The following C2CD3 variants were observed in gnomAD, a reference collection of about 807,000 sequenced individuals.
C2CD3 encodes the protein C2 domain-containing protein 3.
C2CD3 carries 148 observed loss-of-function variants against 234.0 expected under a neutral mutation model. That is an observed-to-expected ratio of 0.63 (90% CI 0.55 to 0.72). The LOEUF (loss-of-function observed/expected upper bound fraction) is 0.72. Among genes scored for constraint, C2CD3 ranks in the 30% least tolerant of loss-of-function variants. The pLI, the probability that C2CD3 is intolerant of heterozygous loss-of-function variation, is 0.00. For missense variants in C2CD3, 2,577 were observed against 2,811.5 expected, an observed-to-expected ratio of 0.92 and a Z score of 1.89; for synonymous variants, 1,000 against 1,035.4, an observed-to-expected ratio of 0.97 and a Z score of 0.66.
chr11:74,124,876 ACT>A (rs1168217823), intron 7 of C2CD3, among the ~76,000 whole-genome samples: 3 of 151,854 alleles, frequency 2.0e-5, no homozygotes, highest in Non-Finnish European at 4.4e-5. Context: ...TCCACTTTTT[ACT>A]CTTTTTTGAA....
At chr11:74,117,048 GTATATATATATGAATATATATATA>G (rs1956999966) in intron 9 of C2CD3, among the ~76,000 whole-genome samples, 1 of 49,018 alleles carries the variant, frequency 2.0e-5, no homozygotes, top group Non-Finnish European at 4.4e-5. Context: ...ACGTGTGTGT[GTATATATATATGAATATATATATA>G]TGAATATATA....
At chr11:74,140,544 G>C (rs1007083872) in intron 3 of C2CD3, among the ~76,000 whole-genome samples, 3 of 152,082 alleles carry the variant, frequency 2.0e-5, no homozygotes, top group Non-Finnish European at 2.9e-5. Flanking sequence ...ACCCTAATTC[G>C]AAGATTCTTT....
intron 27 of C2CD3, 53 bp downstream of exon 27, chr11:74,049,284 C>CT (rs1953553754): frequency 3.4e-6 from 5 of 1,455,222 alleles, no homozygotes; most frequent in Non-Finnish European, 4.8e-6. Flanking sequence ...AAAGGATGTT[C>CT]TTATAGGTCA....
intron 2 of C2CD3, among the ~76,000 whole-genome samples, chr11:74,165,105 T>C (rs1856719196): frequency 6.6e-6 from 1 of 152,130 alleles, no homozygotes; most frequent in South Asian, 2.1e-4. Flanking sequence ...TACGAAGAAA[T>C]AAATAAAATG....
chr11:74,052,082 A>T (rs1486212537), intron 26 of C2CD3, among the ~76,000 whole-genome samples: 1 of 152,220 alleles, frequency 6.6e-6, no homozygotes, highest in Non-Finnish European at 1.5e-5. Context: ...CAATAATGGA[A>T]CACCAGGCAT....
rs1266379604 is a variant in C2CD3 at position 74,098,023 on chromosome 11, C to T, written c.2965G>A (p.Ala989Thr). The change falls in exon 16 of 33, where the codon GCA becomes ACA. Residue 989 changes from alanine to threonine, a missense_variant. Coordinates refer to ENST00000334126, the MANE Select transcript of C2CD3 (RefSeq NM_001286577.2). ...GCGTTTATTACCATAGCAACAGATG[C>T]TGCAGTTGGCTGGTCCAGGAAATGG... is the stretch of plus-strand genomic sequence containing the variant. ...PAHFLDQPTA[A>T]SVAMAEDRGN... 4 of 1,613,974 alleles carry T rather than the reference C, an allele frequency of 2.5e-6. No individual in the cohort carries two copies. The highest frequency in any genetic ancestry group is 3.4e-6 in the Non-Finnish European group (4 of 1,179,956).
chr11:74,044,697 G>T (rs1192469421), intron 28 of C2CD3, among the ~76,000 whole-genome samples: 1 of 151,992 alleles, frequency 6.6e-6, no homozygotes, highest in African/African-American at 2.4e-5. Flanking sequence ...TTCAACTTTT[G>T]TCCTCCTCCC....
intron 7 of C2CD3, among the ~76,000 whole-genome samples, chr11:74,130,223 C>T (rs1957614363): frequency 2.0e-5 from 3 of 147,718 alleles, no homozygotes; most frequent in Admixed American, 1.3e-4. Flanking sequence ...GATAAGGGTC[C>T]AACTTTTTTT....
rs555550488 is a variant in C2CD3, at chr11:74,130,423, G to C, written c.1217+2421C>G. Among the ~76,000 whole-genome samples, 4 of 148,930 alleles carry C rather than the reference G, an allele frequency of 2.7e-5. No homozygotes were observed. The South Asian group carries it at 8.3e-4, about 31-fold the overall frequency. ...TTTATTTTTATTTTTTGTAGAGATGGGGGTTTCACTATGTAGTCCAGGCTG... is the reference window on the plus strand; with the variant it reads ...TTTATTTTTATTTTTTGTAGAGATGCGGGTTTCACTATGTAGTCCAGGCTG... On this transcript the variant is annotated intron_variant, in intron 7 of 32. Transcript: ENST00000334126.
intron 24 of C2CD3, among the ~76,000 whole-genome samples, chr11:74,071,856 AATT>A (rs1954807210): frequency 6.6e-6 from 1 of 152,186 alleles, no homozygotes; most frequent in South Asian, 2.1e-4. Context: ...ATGCTCAATA[AATT>A]ATTATAAAAT....
intron 11 of C2CD3, 120 bp from the exon 12 acceptor site, chr11:74,109,272 A>G: frequency 1.6e-6 from 1 of 611,928 alleles, no homozygotes; most frequent in South Asian, 2.3e-5. Flanking sequence ...GCAGAAATCG[A>G]GTCAGTGTGC....
intron 31 of C2CD3, among the ~76,000 whole-genome samples, chr11:74,028,849 TGCTA>T (rs1952411667): frequency 1.3e-5 from 2 of 152,228 alleles, no homozygotes; most frequent in Non-Finnish European, 2.9e-5. Flanking sequence ...CCTAAGGGCC[TGCTA>T]GTTAGAAAAA....
At chr11:74,169,380 T>C (rs1211354533) in intron 1 of C2CD3, among the ~76,000 whole-genome samples, 2 of 152,248 alleles carry the variant, frequency 1.3e-5, no homozygotes, top group South Asian at 2.1e-4. Flanking sequence ...CTTTCATTCA[T>C]AGTACCTTTT....
intron 9 of C2CD3, among the ~76,000 whole-genome samples, chr11:74,116,948 GTA>G (rs1454472919): frequency 1.2e-4 from 12 of 100,830 alleles, no homozygotes; most frequent in South Asian, 2.8e-4. Flanking sequence ...ACATATACAC[GTA>G]TATATGTGTA....
At chr11:74,166,741 G>C (rs1285083341) in intron 2 of C2CD3, among the ~76,000 whole-genome samples, 1 of 152,118 alleles carries the variant, frequency 6.6e-6, no homozygotes, top group Non-Finnish European at 1.5e-5. Flanking sequence ...TTTGGGCAGG[G>C]AATACATCTC....
chr11:74,092,145 T>C (rs1955921199), intron 19 of C2CD3, among the ~76,000 whole-genome samples: 2 of 151,810 alleles, frequency 1.3e-5, no homozygotes, highest in Non-Finnish European at 2.9e-5. Context: ...CTCTGCCTCC[T>C]GGGTTCAAGC....
intron 3 of C2CD3, among the ~76,000 whole-genome samples, chr11:74,155,960 G>A (rs1855986563): frequency 6.6e-6 from 1 of 151,944 alleles, no homozygotes; most frequent in Non-Finnish European, 1.5e-5. Flanking sequence ...GGACAACATG[G>A]CAAAACCCTG....
At position 74,139,672 on chromosome 11, in the gene C2CD3, C is replaced by T. The variant is rs767466509; in HGVS notation, c.640G>A (p.Asp214Asn). Reference sequence around the variant, plus strand: ...CCATCAATTTTGATGGTATGTATGTCGCGAGGCCTTGATGGAACCTGAAAC... The same window carrying T: ...CCATCAATTTTGATGGTATGTATGTTGCGAGGCCTTGATGGAACCTGAAAC... ...TQFQVPSRPRDIHTIKIDGKE... is the reference protein window; with the variant it reads ...TQFQVPSRPRNIHTIKIDGKE... The change falls in exon 4 of 33, where the codon GAC (aspartate) becomes AAC (asparagine). Residue 214 changes from aspartate (D) to asparagine (N), a missense_variant. Transcript: ENST00000334126. The T allele has an allele frequency of 9.9e-6, 16 of 1,613,780 alleles. No homozygotes were observed. Among genetic ancestry groups the T allele is most frequent in the African/African-American group, 2.7e-5 (2 of 74,850 alleles).
Position 74,113,886 on chromosome 11 carries a change from G to T in C2CD3, c.1737C>A (p.Phe579Leu). ...PKVTTAKKRT[F>L]FVEYHFPVGF... ...CCACAGGAAAGTGATATTCTACAAAGAAAGTGCTAAAAAGAAAAAAAAAGT... is the reference window on the plus strand; with the variant it reads ...CCACAGGAAAGTGATATTCTACAAATAAAGTGCTAAAAAGAAAAAAAAAGT... The change falls in exon 11 of 33, where the codon TTC (phenylalanine) becomes TTA (leucine). Residue 579 changes from phenylalanine to leucine, a missense_variant. Physicochemically the swap from Phe to Leu is conservative, Grantham distance 22. Coordinates refer to ENST00000334126, the MANE Select transcript of C2CD3 (RefSeq NM_001286577.2). 1.3e-6 allele frequency: 2 copies of T among 1,569,522 alleles called. No homozygotes were observed. The highest frequency in any genetic ancestry group is 1.7e-4 in the Middle Eastern group (1 of 5,850).
Sources: allele counts gnomAD v4.1 joint callset (sites outside exome capture counted in the v4.1 genomes callset), GRCh38; gene constraint gnomAD v4.1.1; transcripts MANE v1.5; gene names NCBI Gene and HGNC (gene_info 2026-07-23, HGNC 2026-07-21).